Variants in TOP2B observed in about 807,000 individuals in gnomAD.
TOP2B encodes the protein DNA topoisomerase 2-beta.
TOP2B carries 51 observed loss-of-function variants against 193.5 expected under a neutral mutation model. That is an observed-to-expected ratio of 0.26 (90% CI 0.21 to 0.33). The LOEUF is 0.33. Among genes scored for constraint, TOP2B ranks in the 10% least tolerant of loss-of-function variants. The pLI is 1.00. For missense variants in TOP2B, 1,378 were observed against 1,909.3 expected (o/e 0.72, Z 5.19); for synonymous variants, 634 against 635.7 (o/e 1.00, Z 0.04).
intron 5 of TOP2B, among the ~76,000 whole-genome samples, chr3:25,637,814 C>A (rs1703145775): frequency 6.6e-6 from 1 of 151,958 alleles, no homozygotes; most frequent in South Asian, 2.1e-4. Context: ...TCAATCCTGA[C>A]CTTCTCAAGG....
Position 25,618,717 on chromosome 3 carries a change from A to C in TOP2B, c.3196T>G (p.Ser1066Ala), listed in dbSNP as rs1200588459. The change falls in exon 24 of 36, where the codon TCT becomes GCT. Residue 1066 changes from serine (S) to alanine (A), a missense_variant. Ser to Ala is a moderately conservative substitution (Grantham distance 99, BLOSUM62 1). This residue lies in a region of TOP2B where 379 missense variants were observed against 615.1 expected (regional missense o/e 0.62). Coordinates refer to ENST00000264331, the MANE Select transcript of TOP2B (RefSeq NM_001330700.2). ...CGGGCTTGATTGTTAAGCTTTGTAG[A>C]TTCTGCTCCCAACATTCCCACAAGC... is the stretch of plus-strand genomic sequence containing the variant. ...EWLVGMLGAE[S>A]TKLNNQARFI... 6.2e-7 allele frequency: 1 copy of C among 1,613,428 alleles called. No individual in the cohort carries two copies. Among genetic ancestry groups the C allele is most frequent in the South Asian group, 1.1e-5 (1 of 91,036 alleles).
intron 1 of TOP2B, among the ~76,000 whole-genome samples, chr3:25,662,926 T>A (rs537149903): frequency 3.3e-5 from 5 of 152,354 alleles, no homozygotes; most frequent in African/African-American, 1.2e-4. Context: ...TTATTTTGCA[T>A]GTATGTGTCC....
At chr3:25,615,123 A>G (rs1575566682) in intron 27 of TOP2B, 82 bp downstream of exon 27, 1 of 1,231,438 alleles carries the variant, frequency 8.1e-7, no homozygotes, top group African/African-American at 1.5e-5. Flanking sequence ...GTTAAAGAAA[A>G]CTTTAAGATC....
chr3:25,632,895 G>T, intron 8 of TOP2B, 101 bp from the exon 9 acceptor site: 2 of 958,522 alleles, frequency 2.1e-6, no homozygotes, highest in Non-Finnish European at 3.1e-6. Context: ...GAGTAATAGA[G>T]TCTCAGAACG....
At chr3:25,640,887 G>T (rs1160401257) in intron 4 of TOP2B, among the ~76,000 whole-genome samples, 1 of 151,414 alleles carries the variant, frequency 6.6e-6, no homozygotes, top group Admixed American at 6.6e-5. Context: ...CTCCTGAGTA[G>T]CTGGGACTAC....
At chr3:25,656,829 T>G (rs1401533082) in intron 1 of TOP2B, among the ~76,000 whole-genome samples, 1 of 152,210 alleles carries the variant, frequency 6.6e-6, no homozygotes, top group Non-Finnish European at 1.5e-5. Flanking sequence ...TTTCTAAATT[T>G]CTACAATGAA....
chr3:25,601,875 G>C (rs191031514), intron 33 of TOP2B, among the ~76,000 whole-genome samples: 1 of 152,062 alleles, frequency 6.6e-6, no homozygotes, highest in Non-Finnish European at 1.5e-5. Context: ...CACAGATTAA[G>C]TCCTAACTTT....
chr3:25,637,104 A>G, intron 6 of TOP2B, 111 bp downstream of exon 6: 1 of 799,496 alleles, frequency 1.3e-6, no homozygotes. Flanking sequence ...TGCTTTGGAA[A>G]AAAAAAATGA....
intron 33 of TOP2B, among the ~76,000 whole-genome samples, chr3:25,602,280 G>T (rs752256762): frequency 4.6e-5 from 7 of 151,282 alleles, no homozygotes; most frequent in Non-Finnish European, 1.0e-4. Context: ...GCCTGTAGTC[G>T]CAGCTACTTG....
intron 1 of TOP2B, among the ~76,000 whole-genome samples, chr3:25,657,693 A>G (rs1355397037): frequency 6.6e-6 from 1 of 152,180 alleles, no homozygotes; most frequent in Middle Eastern, 3.2e-3. Context: ...GTTCACAGTA[A>G]TAAGATATCA....
chr3:25,650,073 A>G (rs1703539945), intron 1 of TOP2B, among the ~76,000 whole-genome samples: 1 of 152,172 alleles, frequency 6.6e-6, no homozygotes, highest in Non-Finnish European at 1.5e-5. Context: ...GTAAACAAAA[A>G]AAGTCAGAAG....
Position 25,609,598 on chromosome 3 carries a change from G to A in TOP2B, c.3901C>T (p.Pro1301Ser). 1 of 1,603,526 alleles carries A rather than the reference G, an allele frequency of 6.2e-7. No homozygotes were observed. Among genetic ancestry groups the A allele is most frequent in the East Asian group, 2.2e-5 (1 of 44,702 alleles). Reference protein sequence around the residue: ...LTPSVPINKGPKPKREKKEPG... With the variant: ...LTPSVPINKGSKPKREKKEPG... Reference sequence around the variant, plus strand: ...TCCTTCTTCTCCCTCTTAGGTTTGGGACCTTTATTTATAGGAACTGATGGA... The same window carrying A: ...TCCTTCTTCTCCCTCTTAGGTTTGGAACCTTTATTTATAGGAACTGATGGA... Residue 1301 changes from proline to serine, a missense_variant, in exon 29 of 36, where the codon CCC becomes TCC. This residue lies in a region of TOP2B where 556 missense variants were observed against 584.2 expected (regional missense o/e 0.95). Transcript: ENST00000264331.
chr3:25,628,434 C>T (rs1702867494), intron 15 of TOP2B, among the ~76,000 whole-genome samples: 1 of 152,116 alleles, frequency 6.6e-6, no homozygotes, highest in Non-Finnish European at 1.5e-5. Context: ...TGTGTTCATG[C>T]TACTGCACTC....
chr3:25,629,895 T>C lies in TOP2B; in HGVS notation c.1689+134A>G, dbSNP rs533080389. On this transcript the variant is annotated intron_variant, in intron 13 of 35. Transcript: ENST00000264331. ...AAAATGTTTCCACTAAATGACGTGG[T>C]TTTTTCATTTTTTCCTCCTGATGTA... 1.3e-5 allele frequency: 12 copies of C among 958,674 alleles called. No homozygotes were observed. The East Asian group carries it at 3.0e-4, about 24-fold the overall frequency. 59.4% of individuals were successfully genotyped at this position (958,674 alleles called of 1,614,324 possible).
rs1702914857 is a variant in TOP2B, at chr3:25,630,142, C to G, written c.1576G>C (p.Ala526Pro). 1.3e-6 allele frequency: 2 copies of G among 1,552,460 alleles called. No homozygotes were observed. The highest frequency in any genetic ancestry group is 2.4e-5 in the South Asian group (2 of 82,874). The change falls in exon 13 of 36, where the codon GCT becomes CCT. Residue 526 changes from alanine to proline, a missense_variant. Transcript: ENST00000264331. ...EASHKQIMEN[A>P]EINNIIKIVG... is the part of the protein sequence containing the mutation. ...ATTTTAATAATATTATTTATTTCAGCATTTTCCATGATCTGTTCAAAAAGG... is the reference window on the plus strand; with the variant it reads ...ATTTTAATAATATTATTTATTTCAGGATTTTCCATGATCTGTTCAAAAAGG...
Position 25,627,244 on chromosome 3 carries a change from T to C in TOP2B, c.1959A>G (p.Glu653=), listed in dbSNP as rs1280277111. Residue 653 remains glutamate, a synonymous_variant, in exon 16 of 36, where the codon GAA becomes GAG. Transcript: ENST00000264331. ...CATATCTAAACAAGATGCGATGCCT[T>C]TCCATATCAGCAAAATATTCCTTTG... The part of the protein sequence containing the change: ...KEAKEYFADM[E]RHRILFRYAG... 3 of 1,610,106 alleles carry C rather than the reference T, an allele frequency of 1.9e-6. No homozygotes were observed. In the African/African-American group the frequency reaches 4.0e-5, roughly 22 times the overall value.
chr3:25,626,121 T>C (rs1702795899), intron 18 of TOP2B, among the ~76,000 whole-genome samples: 1 of 152,166 alleles, frequency 6.6e-6, no homozygotes, highest in Non-Finnish European at 1.5e-5. Context: ...AAATAGTTTC[T>C]AAATTTTTTT....
chr3:25,611,126 T>C (rs1702358562), intron 28 of TOP2B, among the ~76,000 whole-genome samples: 2 of 152,298 alleles, frequency 1.3e-5, no homozygotes, highest in South Asian at 2.1e-4. Flanking sequence ...GAAAGCATTA[T>C]AGCTTAGGAA....
In TOP2B at chr3:25,601,268, AC is replaced by A. The variant is rs112934953; in HGVS notation, c.4490-44del. ...ATTTCACAGGTCAATATACTTACCA[AC>A]AAACCAAACTGAAGAGAGTCCTATA... On this transcript the variant is annotated intron_variant, in intron 33 of 35. Transcript: ENST00000264331. The A allele has an allele frequency of 7.9e-3, 12,570 of 1,585,906 alleles. 732 individuals are homozygous for A. In the African/African-American group the frequency reaches 0.14, roughly 17 times the overall value.
Sources: gnomAD v4.1 joint callset for allele counts (sites outside exome capture counted in the v4.1 genomes callset) on GRCh38, gnomAD v4.1.1 for gene constraint, gnomAD v4.1.1 regional missense constraint, MANE v1.5 for transcripts, NCBI Gene and HGNC (gene_info 2026-07-23, HGNC 2026-07-21) for gene names.